Variants in KCNIP3 observed in about 807,000 individuals in gnomAD.
KCNIP3 encodes calsenilin.
KCNIP3 carries 28 observed loss-of-function variants against 35.0 expected under a neutral mutation model. The observed-to-expected ratio is 0.80, with a 90% CI of 0.59 to 1.10. The LOEUF (loss-of-function observed/expected upper bound fraction) is 1.10, where lower values mean the gene tolerates loss of function less well. Ranked by LOEUF, KCNIP3 falls within the 50% of genes least tolerant of loss-of-function variation. The probability of loss-of-function intolerance (pLI) is 0.00; values close to 1 mark genes in which losing one functional copy is unlikely to be tolerated. For synonymous variants in KCNIP3, 134 were observed against 133.8 expected, an observed-to-expected ratio of 1.00 and a Z score of -0.01; for missense variants, 295 against 338.4, an observed-to-expected ratio of 0.87 and a Z score of 1.01.
At chr2:95,381,793 C>A in intron 6 of KCNIP3, 90 bp downstream of exon 6, 1 of 895,356 alleles carries the variant, frequency 1.1e-6, no homozygotes, top group Non-Finnish European at 1.8e-6. Flanking sequence ...GCTCCTGCTG[C>A]CCACCTGTCT....
chr2:95,384,155 AG>A lies in KCNIP3; in HGVS notation c.*107del. ...ACTTTTAAAAAATAGATTTGCAAAAAGTGAACAGATTGCTACACACACACAC... is the reference window on the plus strand; with the variant it reads ...ACTTTTAAAAAATAGATTTGCAAAAATGAACAGATTGCTACACACACACAC... On this transcript the variant is annotated 3_prime_UTR_variant, in exon 9 of 9. Coordinates refer to ENST00000295225, the MANE Select transcript of KCNIP3 (RefSeq NM_013434.5). 1.2e-6 allele frequency: 1 copy of A among 815,194 alleles called. No individual in the cohort carries two copies. Among genetic ancestry groups the A allele is most frequent in the Non-Finnish European group, 2.1e-6 (1 of 472,150 alleles). 50.5% of individuals were successfully genotyped at this position (815,194 alleles called of 1,614,324 possible). A position where few individuals can be genotyped will look rare whatever the true frequency, so the allele number is the denominator to read the frequency against.
chr2:95,324,278 G>C (rs575492970), intron 2 of KCNIP3, among the ~76,000 whole-genome samples: 1 of 150,742 alleles, frequency 6.6e-6, no homozygotes. Flanking sequence ...TTGGGAGGCC[G>C]AGGCAGGCGG....
intron 2 of KCNIP3, among the ~76,000 whole-genome samples, chr2:95,345,968 G>A (rs1349187162): frequency 1.3e-5 from 2 of 152,168 alleles, no homozygotes; most frequent in African/African-American, 4.8e-5. Flanking sequence ...CTGCGGAGCA[G>A]GCGGCGGCGG....
At chr2:95,381,454 T>C (rs904205942) in intron 5 of KCNIP3, 142 bp from the exon 6 acceptor site, 29 of 643,830 alleles carry the variant, frequency 4.5e-5, no homozygotes, top group Admixed American at 3.6e-4. Flanking sequence ...CACCCTGTGC[T>C]GACCTGAATG....
At chr2:95,326,469 C>T (rs1169521347) in intron 2 of KCNIP3, among the ~76,000 whole-genome samples, 1 of 152,222 alleles carries the variant, frequency 6.6e-6, no homozygotes, top group Non-Finnish European at 1.5e-5. Flanking sequence ...AGGGCAGCGG[C>T]TCCCAAATTC....
chr2:95,332,915 C>T (rs1446090912), intron 2 of KCNIP3, among the ~76,000 whole-genome samples: 1 of 152,196 alleles, frequency 6.6e-6, no homozygotes, highest in Non-Finnish European at 1.5e-5. Flanking sequence ...ACAATTACAT[C>T]CTTGGGGGTC....
At chr2:95,342,618 T>C (rs562188743) in intron 2 of KCNIP3, among the ~76,000 whole-genome samples, 1 of 152,232 alleles carries the variant, frequency 6.6e-6, no homozygotes, top group East Asian at 1.9e-4. Flanking sequence ...TTGATCTCTT[T>C]GTCTTCATTT....
intron 2 of KCNIP3, among the ~76,000 whole-genome samples, chr2:95,367,032 G>A (rs527595368): frequency 1.3e-5 from 2 of 152,186 alleles, no homozygotes; most frequent in East Asian, 3.9e-4. Context: ...GGAGGCTGAG[G>A]TGGCCGGATC....
At chr2:95,313,023 C>G (rs1678362127) in intron 2 of KCNIP3, 1 of 152,462 alleles carries the variant, frequency 6.6e-6, no homozygotes, top group South Asian at 2.1e-4. Context: ...TCTTTGGGAG[C>G]TGGCACAGGC....
intron 2 of KCNIP3, among the ~76,000 whole-genome samples, chr2:95,317,927 T>C (rs1417479930): frequency 6.6e-6 from 1 of 152,174 alleles, no homozygotes; most frequent in Non-Finnish European, 1.5e-5. Flanking sequence ...CATCAGCGTC[T>C]TCTTCCGCTT....
At chr2:95,374,777 C>G in intron 3 of KCNIP3, 71 bp from the exon 4 acceptor site, 1 of 1,545,908 alleles carries the variant, frequency 6.5e-7, no homozygotes. Flanking sequence ...GAGAGGCCAG[C>G]CAGGCACCAT....
chr2:95,306,198 G>A (rs1195856250), intron 1 of KCNIP3, among the ~76,000 whole-genome samples: 2 of 152,234 alleles, frequency 1.3e-5, no homozygotes, highest in African/African-American at 2.4e-5. Context: ...CAGGCACATG[G>A]TGGTGTCTCA....
intron 2 of KCNIP3, among the ~76,000 whole-genome samples, chr2:95,331,528 G>A (rs1463431782): frequency 1.3e-5 from 2 of 152,162 alleles, no homozygotes; most frequent in East Asian, 1.9e-4. Flanking sequence ...CCAAAAGACC[G>A]AGCAGAAGAG....
chr2:95,322,251 C>T (rs1348355800), intron 2 of KCNIP3, among the ~76,000 whole-genome samples: 1 of 152,124 alleles, frequency 6.6e-6, no homozygotes, highest in East Asian at 1.9e-4. Flanking sequence ...GTGGTCCTAG[C>T]TACTTGCAGG....
At chr2:95,332,499 A>C (rs7421659) in intron 2 of KCNIP3, among the ~76,000 whole-genome samples, 1 of 152,260 alleles carries the variant, frequency 6.6e-6, no homozygotes, top group Admixed American at 6.5e-5. Flanking sequence ...AGAGTTCAGC[A>C]TGCTCATCTT....
chr2:95,369,224 CT>C (rs1236142600), intron 2 of KCNIP3, among the ~76,000 whole-genome samples: 1 of 151,824 alleles, frequency 6.6e-6, no homozygotes, highest in Admixed American at 6.6e-5. Context: ...TGATTATGTG[CT>C]TTTTTCTTTT....
chr2:95,330,463 G>A (rs1432738217), intron 2 of KCNIP3, among the ~76,000 whole-genome samples: 1 of 152,186 alleles, frequency 6.6e-6, no homozygotes, highest in Non-Finnish European at 1.5e-5. Context: ...GCGCTCCCAA[G>A]AGCTCCACTA....
At chr2:95,343,949 A>G (rs1385825346) in intron 2 of KCNIP3, among the ~76,000 whole-genome samples, 1 of 151,846 alleles carries the variant, frequency 6.6e-6, no homozygotes, top group East Asian at 1.9e-4. Flanking sequence ...AAGATGCAGG[A>G]CACCCCTGTC....
chr2:95,324,877 C>T (rs966308982), intron 2 of KCNIP3, among the ~76,000 whole-genome samples: 2 of 152,198 alleles, frequency 1.3e-5, no homozygotes, highest in African/African-American at 4.8e-5. Context: ...CGCCACTGCA[C>T]TCCAGCCTGG....
Sources: gnomAD v4.1 joint callset for allele counts (sites outside exome capture counted in the v4.1 genomes callset) on GRCh38, gnomAD v4.1.1 for gene constraint, MANE v1.5 for transcripts, NCBI Gene and HGNC (gene_info 2026-07-23, HGNC 2026-07-21) for gene names.